The following CCDC102B variants were observed in gnomAD, a reference collection of about 807,000 sequenced individuals.
CCDC102B encodes coiled-coil domain containing 102B, also known as coiled-coil domain-containing protein 102B.
CCDC102B carries 75 observed loss-of-function variants against 57.4 expected under a neutral mutation model. That is an observed-to-expected ratio of 1.31 (90% CI 1.08 to 1.58). CCDC102B has a LOEUF of 1.58. Ranked by LOEUF, CCDC102B falls within the 40% of genes most tolerant of loss-of-function variation. The pLI, the probability that CCDC102B is intolerant of heterozygous loss-of-function variation, is 0.00. For missense variants in CCDC102B, 636 were observed against 582.6 expected, an observed-to-expected ratio of 1.09 and a Z score of -0.94; for synonymous variants, 206 against 201.9, an observed-to-expected ratio of 1.02 and a Z score of -0.17.
Position 68,856,242 on chromosome 18 carries a change from CTA to C in CCDC102B, c.936+9823_936+9824del, listed in dbSNP as rs1352129027. 3.3e-5 allele frequency among the ~76,000 whole-genome samples: 5 copies of C among 152,190 alleles called. No homozygotes were observed. The East Asian group carries it at 5.8e-4, about 18-fold the overall frequency. On this transcript the variant is annotated intron_variant, in intron 4 of 7. Transcript: ENST00000360242. Reference sequence around the variant, plus strand: ...AAATTATGTTAATTCTTTTAAAACTCTATTTTTTCTATAGGAAAAATGTAAAA... The same window carrying C: ...AAATTATGTTAATTCTTTTAAAACTCTTTTTTCTATAGGAAAAATGTAAAA...
intron 2 of CCDC102B, among the ~76,000 whole-genome samples, chr18:68,744,276 A>G (rs2033526822): frequency 6.6e-6 from 1 of 152,210 alleles, no homozygotes; most frequent in African/African-American, 2.4e-5. Context: ...GAACTAAGTA[A>G]TTTGTTGTTC....
At chr18:68,925,401 C>A (rs1234327524) in intron 6 of CCDC102B, among the ~76,000 whole-genome samples, 7 of 151,864 alleles carry the variant, frequency 4.6e-5, no homozygotes. Context: ...CACAGCACAC[C>A]CAAAAGGGGA....
intron 5 of CCDC102B, among the ~76,000 whole-genome samples, chr18:68,878,881 A>C (rs2039560450): frequency 6.6e-6 from 1 of 152,308 alleles, no homozygotes; most frequent in South Asian, 2.1e-4. Context: ...CACTGACTTC[A>C]AGAATGAAGC....
At chr18:68,833,388 T>G (rs1007730635) in intron 1 of CCDC102B, among the ~76,000 whole-genome samples, 2 of 151,058 alleles carry the variant, frequency 1.3e-5, no homozygotes, top group African/African-American at 2.4e-5. Flanking sequence ...TTCCTGTTTT[T>G]TTTTTTTTTT....
chr18:68,737,000 A>C (rs1206531226), intron 2 of CCDC102B, among the ~76,000 whole-genome samples: 1 of 152,010 alleles, frequency 6.6e-6, no homozygotes, highest in Non-Finnish European at 1.5e-5. Context: ...CCTCAACTGC[A>C]CAAGAGTTGG....
intron 7 of CCDC102B, among the ~76,000 whole-genome samples, chr18:69,017,400 A>G (rs2051700219): frequency 6.6e-6 from 1 of 152,140 alleles, no homozygotes; most frequent in Non-Finnish European, 1.5e-5. Context: ...TGCTGGGATT[A>G]CAGGCGTGAA....
intron 2 of CCDC102B, among the ~76,000 whole-genome samples, chr18:68,750,198 A>G (rs1315446691): frequency 1.3e-5 from 2 of 152,214 alleles, no homozygotes; most frequent in African/African-American, 2.4e-5. Context: ...AAAAATGTTC[A>G]TCATCACTAG....
chr18:68,898,994 T>C (rs2040340670), intron 6 of CCDC102B, among the ~76,000 whole-genome samples: 1 of 151,998 alleles, frequency 6.6e-6, no homozygotes, highest in African/African-American at 2.4e-5. Flanking sequence ...AATGTAGTTA[T>C]TTGGGCTGGG....
At chr18:68,805,424 C>T (rs1405431119) in intron 1 of CCDC102B, among the ~76,000 whole-genome samples, 1 of 152,126 alleles carries the variant, frequency 6.6e-6, no homozygotes, top group Admixed American at 6.5e-5. Flanking sequence ...AGACATGGAG[C>T]AGGAAGACAG....
downstream of CCDC102B, among the ~76,000 whole-genome samples, chr18:69,057,483 G>C (rs2052836260): frequency 6.6e-6 from 1 of 151,940 alleles, no homozygotes; most frequent in African/African-American, 2.4e-5. Flanking sequence ...CCTCTCCCTT[G>C]TTCCAAGTAA....
chr18:68,739,220 T>A (rs2033280499), intron 2 of CCDC102B, among the ~76,000 whole-genome samples: 1 of 152,170 alleles, frequency 6.6e-6, no homozygotes, highest in South Asian at 2.1e-4. Flanking sequence ...GGTCTCAAAC[T>A]CCTGGTCTAA....
chr18:68,778,984 T>A (rs1489797389), intron 2 of CCDC102B, among the ~76,000 whole-genome samples: 4 of 151,974 alleles, frequency 2.6e-5, no homozygotes, highest in Non-Finnish European at 5.9e-5. Flanking sequence ...TGACTTATTC[T>A]AAATTTGGAT....
At chr18:68,914,327 C>T (rs547936921) in intron 6 of CCDC102B, among the ~76,000 whole-genome samples, 11 of 152,058 alleles carry the variant, frequency 7.2e-5, no homozygotes, top group Non-Finnish European at 1.2e-4. Context: ...TGAGTGACTG[C>T]GGGTGTGTGA....
intron 6 of CCDC102B, among the ~76,000 whole-genome samples, chr18:68,927,877 G>T (rs2041529396): frequency 6.6e-6 from 1 of 151,844 alleles, no homozygotes; most frequent in Admixed American, 6.6e-5. Context: ...CACTGAAAGA[G>T]CAATGGATTT....
intron 1 of CCDC102B, among the ~76,000 whole-genome samples, chr18:68,798,890 AT>A (rs2035733735): frequency 6.6e-6 from 1 of 152,114 alleles, no homozygotes; most frequent in Non-Finnish European, 1.5e-5. Flanking sequence ...TAAATTATCA[AT>A]TGAATGTCAA....
At position 69,006,404 on chromosome 18, in the gene CCDC102B, T is replaced by G. The variant is rs531446702; in HGVS notation, c.1264-4530T>G. ...GCCATAGCTTTGAGATTTATTTATT[T>G]ATTTATTTATTTATTTATTTATTTA... is the stretch of plus-strand genomic sequence containing the variant. On this transcript the variant is annotated intron_variant, in intron 6 of 7. Coordinates refer to ENST00000360242, the MANE Select transcript of CCDC102B (RefSeq NM_024781.3). 1.6e-3 allele frequency among the ~76,000 whole-genome samples: 193 copies of G among 122,652 alleles called. 1 individual carries two copies. Among genetic ancestry groups the G allele is most frequent in the African/African-American group, 5.8e-3 (172 of 29,432 alleles). The allele number at this position is 122,652 out of a possible 152,430, so 80.5% of individuals were successfully genotyped here. A position where few individuals can be genotyped will look rare whatever the true frequency, so the allele number is the denominator to read the frequency against.
chr18:68,821,697 A>G (rs182047380), intron 1 of CCDC102B, among the ~76,000 whole-genome samples: 129 of 151,806 alleles, frequency 8.5e-4, no homozygotes, highest in African/African-American at 3.1e-3. Flanking sequence ...ATATGTGTGT[A>G]TATATATATG....
At chr18:69,009,899 C>CTTTT in intron 6 of CCDC102B, among the ~76,000 whole-genome samples, 1 of 93,220 alleles carries the variant, frequency 1.1e-5, no homozygotes, top group East Asian at 3.5e-4. Flanking sequence ...CAGAGGCTAA[C>CTTTT]TTTTTCTTTA....
At chr18:68,757,453 T>A (rs1276692428) in intron 2 of CCDC102B, among the ~76,000 whole-genome samples, 1 of 152,138 alleles carries the variant, frequency 6.6e-6, no homozygotes, top group Non-Finnish European at 1.5e-5. Flanking sequence ...AGGAATAATT[T>A]TATTGGGTAA....
Sources: gnomAD v4.1 joint callset for allele counts (sites outside exome capture counted in the v4.1 genomes callset) on GRCh38, gnomAD v4.1.1 for gene constraint, MANE v1.5 for transcripts, NCBI Gene and HGNC (gene_info 2026-07-23, HGNC 2026-07-21) for gene names.